NEGR1: variants seen among roughly 807,000 people sequenced by gnomAD.
The protein encoded by NEGR1 is neuronal growth regulator 1.
A neutral mutation model predicts 40.9 loss-of-function variants in NEGR1; 10 were observed. The observed-to-expected ratio is 0.24, with a 90% CI of 0.15 to 0.42. The LOEUF is 0.42. Ranked by LOEUF, NEGR1 falls within the 10% of genes least tolerant of loss-of-function variation. The pLI is 1.00. For synonymous variants in NEGR1, 185 were observed against 166.8 expected (o/e 1.11, Z -0.84); for missense variants, 352 against 438.9 (o/e 0.80, Z 1.77).
chr1:71,684,195 G>A (rs990007134), intron 4 of NEGR1, among the ~76,000 whole-genome samples: 7 of 152,164 alleles, frequency 4.6e-5, no homozygotes, highest in East Asian at 1.9e-4. Context: ...ACGTGAACCC[G>A]GGAGGGCGGA....
chr1:72,248,606 T>TCA (rs1654984399), intron 1 of NEGR1, among the ~76,000 whole-genome samples: 1 of 146,612 alleles, frequency 6.8e-6, no homozygotes, highest in African/African-American at 2.5e-5. Context: ...ATTATTATTA[T>TCA]TATTATTATT....
intron 1 of NEGR1, among the ~76,000 whole-genome samples, chr1:72,199,190 A>G (rs1357350231): frequency 6.9e-6 from 1 of 144,206 alleles, no homozygotes; most frequent in Non-Finnish European, 1.5e-5. Flanking sequence ...GAGAGACTAC[A>G]TAATATGTAT....
chr1:72,169,131 A>T (rs978896626), intron 1 of NEGR1, among the ~76,000 whole-genome samples: 2 of 152,158 alleles, frequency 1.3e-5, no homozygotes, highest in Admixed American at 1.3e-4. Flanking sequence ...AAAAATCATG[A>T]TAATTAGTTG....
intron 1 of NEGR1, among the ~76,000 whole-genome samples, chr1:72,264,891 G>T (rs1655589435): frequency 6.6e-6 from 1 of 150,592 alleles, no homozygotes; most frequent in African/African-American, 2.4e-5. Flanking sequence ...GTTTTCTACA[G>T]ATGGAAAACA....
intron 3 of NEGR1, among the ~76,000 whole-genome samples, chr1:71,728,141 T>C (rs941557811): frequency 1.2e-4 from 19 of 152,138 alleles, no homozygotes; most frequent in African/African-American, 4.6e-4. Flanking sequence ...ACCAGAATTA[T>C]CCAGTCAAAA....
At chr1:72,019,258 G>A (rs139073307) in intron 1 of NEGR1, among the ~76,000 whole-genome samples, 84 of 152,256 alleles carry the variant, frequency 5.5e-4, no homozygotes, top group African/African-American at 2.0e-3. Flanking sequence ...TGGTAAAATA[G>A]TCTATTCAGA....
At chr1:71,560,448 TG>T (rs1648415957) in intron 6 of NEGR1, among the ~76,000 whole-genome samples, 4 of 135,728 alleles carry the variant, frequency 2.9e-5, no homozygotes, top group Non-Finnish European at 4.8e-5. Flanking sequence ...TATATATATA[TG>T]TATATATATA....
intron 1 of NEGR1, among the ~76,000 whole-genome samples, chr1:72,246,291 T>C (rs893225978): frequency 1.3e-5 from 2 of 152,230 alleles, no homozygotes; most frequent in African/African-American, 4.8e-5. Flanking sequence ...CATTGTATTG[T>C]ATAAATGAAT....
At chr1:71,444,568 TA>T (rs1557528131) in intron 6 of NEGR1, among the ~76,000 whole-genome samples, 1 of 152,146 alleles carries the variant, frequency 6.6e-6, no homozygotes, top group Non-Finnish European at 1.5e-5. Flanking sequence ...TCAAGGGCCA[TA>T]CAAAAACAAG....
At chr1:71,977,266 C>T (rs1646313447) in intron 1 of NEGR1, among the ~76,000 whole-genome samples, 1 of 152,032 alleles carries the variant, frequency 6.6e-6, no homozygotes, top group Admixed American at 6.6e-5. Flanking sequence ...GTGGAGGTTG[C>T]AGTGAGCTGA....
chr1:71,650,551 T>A (rs1651677848), intron 4 of NEGR1, among the ~76,000 whole-genome samples: 2 of 152,196 alleles, frequency 1.3e-5, no homozygotes, highest in Admixed American at 1.3e-4. Flanking sequence ...AAACGCTGTG[T>A]TTTTATTGCT....
intron 1 of NEGR1, among the ~76,000 whole-genome samples, chr1:72,104,054 T>G (rs914329702): frequency 1.3e-5 from 2 of 151,682 alleles, no homozygotes; most frequent in Non-Finnish European, 2.9e-5. Flanking sequence ...TTCCTTCCTA[T>G]AAACCACATT....
At chr1:71,407,865 A>T in intron 6 of NEGR1, 1 of 285,614 alleles carries the variant, frequency 3.5e-6, no homozygotes, top group Non-Finnish European at 6.7e-6. Flanking sequence ...AACTAAACAC[A>T]TGCTAAGTAC....
At chr1:72,266,095 G>C (rs1300390827) in intron 1 of NEGR1, among the ~76,000 whole-genome samples, 3 of 150,726 alleles carry the variant, frequency 2.0e-5, no homozygotes, top group Non-Finnish European at 4.5e-5. Flanking sequence ...TAATGTTATT[G>C]ATATTAACAT....
chr1:72,004,258 T>A (rs111575279), intron 1 of NEGR1, among the ~76,000 whole-genome samples: 1 of 152,150 alleles, frequency 6.6e-6, no homozygotes, highest in Non-Finnish European at 1.5e-5. Flanking sequence ...TATTTATATA[T>A]AGAGAGAAAC....
chr1:71,538,013 T>C (rs1263489792), intron 6 of NEGR1, among the ~76,000 whole-genome samples: 1 of 151,684 alleles, frequency 6.6e-6, no homozygotes, highest in Non-Finnish European at 1.5e-5. Flanking sequence ...GGGAATGACC[T>C]TAGCAAAGGG....
At chr1:71,906,903 G>A (rs913190358) in intron 2 of NEGR1, among the ~76,000 whole-genome samples, 8 of 152,074 alleles carry the variant, frequency 5.3e-5, no homozygotes, top group African/African-American at 1.9e-4. Context: ...ATAGTCTTGA[G>A]GAAATCAGCT....
At chr1:71,491,916 T>C (rs1031711724) in intron 6 of NEGR1, among the ~76,000 whole-genome samples, 4 of 152,106 alleles carry the variant, frequency 2.6e-5, no homozygotes, top group Non-Finnish European at 4.4e-5. Context: ...GTGATGGTAT[T>C]AGAAGGTAGA....
chr1:72,201,491 T>C (rs1018292319), intron 1 of NEGR1, among the ~76,000 whole-genome samples: 1 of 151,850 alleles, frequency 6.6e-6, no homozygotes, highest in Non-Finnish European at 1.5e-5. Flanking sequence ...GTAAATTACA[T>C]GCTTGTACTC....
Sources: allele counts gnomAD v4.1 joint callset (sites outside exome capture counted in the v4.1 genomes callset), GRCh38; gene constraint gnomAD v4.1.1; transcripts MANE v1.5; gene names NCBI Gene and HGNC (gene_info 2026-07-23, HGNC 2026-07-21).